Variants in GRAP2 observed in about 807,000 individuals in gnomAD.
GRAP2 encodes GRB2-related adapter protein 2.
In GRAP2, 31 loss-of-function variants were observed where a neutral mutation model predicts 43.5. The ratio of observed to expected loss-of-function variants is 0.71; its 90% confidence interval spans 0.54 to 0.96. The LOEUF (loss-of-function observed/expected upper bound fraction) is 0.96. Among genes scored for constraint, GRAP2 ranks in the 40% least tolerant of loss-of-function variants. The pLI is 0.00. For synonymous variants in GRAP2, 156 were observed against 164.8 expected (o/e 0.95, Z 0.41); for missense variants, 371 against 424.4 (o/e 0.87, Z 1.11).
chr22:39,970,654 C>T (rs2067230800), intron 7 of GRAP2, among the ~76,000 whole-genome samples: 1 of 152,176 alleles, frequency 6.6e-6, no homozygotes, highest in African/African-American at 2.4e-5. Flanking sequence ...GGCATGGTGG[C>T]TCACACCTGT....
At chr22:39,911,203 G>C (rs1388086699) in intron 1 of GRAP2, among the ~76,000 whole-genome samples, 6 of 152,140 alleles carry the variant, frequency 3.9e-5, no homozygotes, top group Non-Finnish European at 5.9e-5. Flanking sequence ...TGATCACTAC[G>C]TGTGAAAGTT....
At chr22:39,908,984 C>T (rs1191461337) in intron 1 of GRAP2, among the ~76,000 whole-genome samples, 1 of 152,146 alleles carries the variant, frequency 6.6e-6, no homozygotes, top group Non-Finnish European at 1.5e-5. Context: ...CTCACTGTGC[C>T]TCATCGACTC....
At chr22:39,915,166 G>T (rs1038116841) in intron 1 of GRAP2, among the ~76,000 whole-genome samples, 1 of 142,368 alleles carries the variant, frequency 7.0e-6, no homozygotes, top group Non-Finnish European at 1.5e-5. Context: ...TCCAGCCTGG[G>T]CGACAGAGTC....
intron 3 of GRAP2, among the ~76,000 whole-genome samples, chr22:39,957,736 A>G (rs1601733325): frequency 1.3e-5 from 2 of 152,024 alleles, no homozygotes; most frequent in Non-Finnish European, 2.9e-5. Flanking sequence ...GGAGTTTGAG[A>G]CCAGCCTGGG....
At chr22:39,911,490 C>T (rs1489018939) in intron 1 of GRAP2, among the ~76,000 whole-genome samples, 2 of 151,956 alleles carry the variant, frequency 1.3e-5, no homozygotes, top group Non-Finnish European at 2.9e-5. Context: ...CTTTAAAAGA[C>T]TTACCAAGCT....
intron 3 of GRAP2, among the ~76,000 whole-genome samples, chr22:39,956,156 CTTTTT>C (rs546003024): frequency 7.2e-6 from 1 of 138,010 alleles, no homozygotes; most frequent in Non-Finnish European, 1.6e-5. Context: ...TTGTTCTTAA[CTTTTT>C]TTTTTTTTTT....
intron 1 of GRAP2, among the ~76,000 whole-genome samples, chr22:39,917,898 T>C (rs2066615903): frequency 6.6e-6 from 1 of 152,206 alleles, no homozygotes; most frequent in East Asian, 1.9e-4. Flanking sequence ...GTTTAAAAAA[T>C]GAAGACAACT....
intron 1 of GRAP2, among the ~76,000 whole-genome samples, chr22:39,938,291 G>A (rs914273119): frequency 2.6e-5 from 4 of 152,224 alleles, no homozygotes; most frequent in Admixed American, 1.3e-4. Context: ...GTGACAGACA[G>A]GGACCTGCAG....
chr22:39,950,959 G>A (rs1047889399), intron 2 of GRAP2, among the ~76,000 whole-genome samples: 4 of 152,244 alleles, frequency 2.6e-5, no homozygotes, highest in African/African-American at 7.2e-5. Context: ...GACTTGTTTG[G>A]CCTTTTGTGC....
chr22:39,920,252 T>G (rs1261954185), intron 1 of GRAP2, among the ~76,000 whole-genome samples: 1 of 152,214 alleles, frequency 6.6e-6, no homozygotes, highest in Non-Finnish European at 1.5e-5. Flanking sequence ...AGCATATTCT[T>G]GCAGAGTCAT....
intron 2 of GRAP2, among the ~76,000 whole-genome samples, chr22:39,951,568 A>G (rs981885771): frequency 7.2e-5 from 11 of 152,206 alleles, no homozygotes; most frequent in Admixed American, 2.0e-4. Flanking sequence ...CAGGCCATGT[A>G]ACCCAAAAAA....
rs1291168246 is a variant in GRAP2, at chr22:39,971,213, T to C, written c.*129T>C. Reference sequence around the variant, plus strand: ...TCTGCCTGTGTACACACACAACTTTTTATACTAGTAATTTATTGGCAATTG... The same window carrying C: ...TCTGCCTGTGTACACACACAACTTTCTATACTAGTAATTTATTGGCAATTG... On this transcript the variant is annotated 3_prime_UTR_variant, in exon 8 of 8. Transcript: ENST00000344138. 3 of 655,822 alleles carry C rather than the reference T, an allele frequency of 4.6e-6. No individual in the cohort carries two copies. The highest frequency in any genetic ancestry group is 7.6e-6 in the Non-Finnish European group (3 of 396,896). The allele number at this position is 655,822 out of a possible 1,614,324, so 40.6% of individuals were successfully genotyped here.
At position 39,936,273 on chromosome 22, in the gene GRAP2, T is replaced by A. The variant is rs573057220; in HGVS notation, c.-14-10820T>A. The stretch of plus-strand genomic sequence containing the variant: ...ATTCAGGGGTGGGGGGCGGTATTTT[T>A]AATGCTTCACTTATGTTTGGGTTTT... On this transcript the variant is annotated intron_variant, in intron 1 of 7. Coordinates refer to ENST00000344138, the MANE Select transcript of GRAP2 (RefSeq NM_004810.4). 2.0e-5 allele frequency among the ~76,000 whole-genome samples: 3 copies of A among 152,026 alleles called. 1 individual carries two copies. The South Asian group carries it at 6.2e-4, about 32-fold the overall frequency.
At chr22:39,942,456 C>G (rs2145627720) in intron 1 of GRAP2, among the ~76,000 whole-genome samples, 1 of 152,266 alleles carries the variant, frequency 6.6e-6, no homozygotes, top group East Asian at 1.9e-4. Context: ...TCACTATTCT[C>G]TTACTTCATT....
At chr22:39,949,142 A>C (rs2066955514) in intron 2 of GRAP2, among the ~76,000 whole-genome samples, 1 of 152,010 alleles carries the variant, frequency 6.6e-6, no homozygotes, top group Non-Finnish European at 1.5e-5. Flanking sequence ...AGAATCACTC[A>C]AACCCCCATG....
At chr22:39,955,711 A>G (rs1013550249) in intron 2 of GRAP2, 108 bp from the exon 3 acceptor site, 4 of 635,834 alleles carry the variant, frequency 6.3e-6, no homozygotes, top group East Asian at 2.9e-5. Flanking sequence ...ACTTATTAAC[A>G]TATTTTCCTC....
rs755090425 is a variant in GRAP2 at position 39,968,132 on chromosome 22, C to T, written c.550C>T (p.Arg184Trp). The T allele has an allele frequency of 9.3e-6, 15 of 1,606,272 alleles. No homozygotes were observed. Among genetic ancestry groups the T allele is most frequent in the East Asian group, 2.3e-5 (1 of 44,370 alleles). The change falls in exon 6 of 8, where the codon CGG becomes TGG. Residue 184 changes from arginine to tryptophan, a missense_variant. Transcript: ENST00000344138. ...VGEEIRPSMN[R>W]KLSDHPPTLP... is the part of the protein sequence containing the mutation. ...AGAAGAAATCCGACCTTCGATGAAC[C>T]GGAAGCTGTCGGATCACCCCCCGAC...
chr22:39,896,892 A>C (rs905907181), upstream of GRAP2, among the ~76,000 whole-genome samples: 7 of 152,164 alleles, frequency 4.6e-5, no homozygotes, highest in Non-Finnish European at 1.0e-4. Flanking sequence ...TTGAGGTTCT[A>C]TAAAAGTGAA....
At chr22:39,909,065 G>T (rs1029403991) in intron 1 of GRAP2, among the ~76,000 whole-genome samples, 1 of 152,128 alleles carries the variant, frequency 6.6e-6, no homozygotes, top group Non-Finnish European at 1.5e-5. Flanking sequence ...TTCATGTGTG[G>T]CTACCCCCAA....
Sources: allele counts gnomAD v4.1 joint callset (sites outside exome capture counted in the v4.1 genomes callset), GRCh38; gene constraint gnomAD v4.1.1; transcripts MANE v1.5; gene names NCBI Gene and HGNC (gene_info 2026-07-23, HGNC 2026-07-21).